LRP1B: variants seen among roughly 807,000 people sequenced by gnomAD.
LRP1B encodes low-density lipoprotein receptor-related protein 1B.
In LRP1B, 217 loss-of-function variants were observed where a neutral mutation model predicts 556.6. The observed-to-expected ratio is 0.39, with a 90% CI of 0.35 to 0.44. The LOEUF (loss-of-function observed/expected upper bound fraction) is 0.44. Ranked by LOEUF, LRP1B falls within the 20% of genes least tolerant of loss-of-function variation. The pLI is 1.00. For synonymous variants in LRP1B, 2,047 were observed against 1,865.8 expected, an observed-to-expected ratio of 1.10 and a Z score of -2.50; for missense variants, 5,053 against 5,620.8, an observed-to-expected ratio of 0.90 and a Z score of 3.23.
At chr2:141,129,979 T>A (rs1701309131) in intron 7 of LRP1B, among the ~76,000 whole-genome samples, 1 of 152,062 alleles carries the variant, frequency 6.6e-6, no homozygotes, top group South Asian at 2.1e-4. Context: ...TTTTAATATT[T>A]ATTTTAAAGG....
chr2:141,937,912 T>A (rs1463554752), intron 1 of LRP1B, among the ~76,000 whole-genome samples: 1 of 152,206 alleles, frequency 6.6e-6, no homozygotes, highest in African/African-American at 2.4e-5. Context: ...TGCCTGTAGA[T>A]AATCCAGTTT....
chr2:141,475,031 G>C (rs1391399757), intron 3 of LRP1B, among the ~76,000 whole-genome samples: 3 of 152,152 alleles, frequency 2.0e-5, no homozygotes, highest in African/African-American at 7.2e-5. Flanking sequence ...AACAGGATAA[G>C]GGCAGATGCT....
In LRP1B at chr2:141,636,376, A is replaced by ACTCAAC. The variant is rs940472632; in HGVS notation, c.206-155849_206-155844dup. On this transcript the variant is annotated intron_variant, in intron 2 of 90. Coordinates refer to ENST00000389484, the MANE Select transcript of LRP1B (RefSeq NM_018557.3). ...AGATGTCCAAAAACAAATGAAAAGA[A>ACTCAAC]CTCAACCTTAGAAACAATAAGCAAA... Among the ~76,000 whole-genome samples, 3 of 152,180 alleles carry ACTCAAC rather than the reference A, an allele frequency of 2.0e-5. 1 individual carries two copies. The highest frequency in any genetic ancestry group is 2.0e-4 in the Admixed American group (3 of 15,262).
At chr2:140,878,928 G>C (rs1271935686) in intron 25 of LRP1B, among the ~76,000 whole-genome samples, 2 of 150,468 alleles carry the variant, frequency 1.3e-5, no homozygotes, top group African/African-American at 4.9e-5. Context: ...GGCAGAGTTT[G>C]CAGTGAGCTG....
rs201832070 is a variant in LRP1B at position 141,873,801 on chromosome 2, T to TAAA, written c.83-63403_83-63401dup. 3.2e-3 allele frequency among the ~76,000 whole-genome samples: 469 copies of TAAA among 146,208 alleles called. 6 individuals are homozygous for TAAA. The highest frequency in any genetic ancestry group is 0.011 in the African/African-American group (449 of 39,996). On this transcript the variant is annotated intron_variant, in intron 1 of 90. Transcript: ENST00000389484. ...GGCTGGTAGGAACATGGGATGAGGT[T>TAAA]AAAAAAAAAAAGATTTTCACTATTG...
chr2:140,604,884 C>T (rs1312483953), intron 41 of LRP1B, among the ~76,000 whole-genome samples: 1 of 152,088 alleles, frequency 6.6e-6, no homozygotes, highest in Non-Finnish European at 1.5e-5. Context: ...TTCCACTGCA[C>T]ACACCCTCTT....
At chr2:141,932,834 TATAAA>T (rs1700541853) in intron 1 of LRP1B, among the ~76,000 whole-genome samples, 1 of 151,988 alleles carries the variant, frequency 6.6e-6, no homozygotes, top group African/African-American at 2.4e-5. Flanking sequence ...GGTAAATCTG[TATAAA>T]ATAAAAGAGA....
rs759159593 is a variant in LRP1B at position 140,442,592 on chromosome 2, C to G, written c.10326G>C (p.Gln3442His). 1 of 1,613,882 alleles carries G rather than the reference C, an allele frequency of 6.2e-7. No individual in the cohort carries two copies. Among genetic ancestry groups the G allele is most frequent in the South Asian group, 1.1e-5 (1 of 91,080 alleles). Reference protein sequence around the residue: ...PENSCSPDYFQCKTTKHCISK... With the variant: ...PENSCSPDYFHCKTTKHCISK... ...AAATGCAATGCTTCGTAGTCTTACACTGGAAATAGTCTGGAGAACAGCTGT... is the reference window on the plus strand; with the variant it reads ...AAATGCAATGCTTCGTAGTCTTACAGTGGAAATAGTCTGGAGAACAGCTGT... The change falls in exon 66 of 91, where the codon CAG becomes CAC. Residue 3442 changes from glutamine (Q) to histidine (H), a missense_variant. Coordinates refer to ENST00000389484, the MANE Select transcript of LRP1B (RefSeq NM_018557.3).
At chr2:141,631,495 G>T (rs2105349779) in intron 2 of LRP1B, among the ~76,000 whole-genome samples, 1 of 149,388 alleles carries the variant, frequency 6.7e-6, no homozygotes, top group Non-Finnish European at 1.5e-5. Flanking sequence ...ACTTGTGCTA[G>T]GTTCCATGTA....
chr2:141,139,110 T>C (rs1266969040), intron 7 of LRP1B, among the ~76,000 whole-genome samples: 1 of 151,912 alleles, frequency 6.6e-6, no homozygotes, highest in East Asian at 1.9e-4. Context: ...AATAGTTTTT[T>C]CAACAAATGG....
intron 3 of LRP1B, among the ~76,000 whole-genome samples, chr2:141,390,324 T>C (rs1690002744): frequency 6.6e-6 from 1 of 152,064 alleles, no homozygotes; most frequent in Admixed American, 6.6e-5. Flanking sequence ...TGTAGAGAAA[T>C]TGGAAATCTT....
At chr2:141,536,812 G>A (rs1368676405) in intron 2 of LRP1B, among the ~76,000 whole-genome samples, 1 of 151,998 alleles carries the variant, frequency 6.6e-6, no homozygotes. Context: ...AGGAAAGAAT[G>A]TGAGTAAATT....
chr2:140,992,541 T>G (rs1283296030), intron 16 of LRP1B: 1 of 152,096 alleles, frequency 6.6e-6, no homozygotes, highest in African/African-American at 2.4e-5. Context: ...CAACCACAAA[T>G]AGGCTGGCCC....
At chr2:140,285,097 C>T (rs1683084445) in intron 84 of LRP1B, among the ~76,000 whole-genome samples, 1 of 149,584 alleles carries the variant, frequency 6.7e-6, no homozygotes, top group African/African-American at 2.5e-5. Context: ...CTATATCTCT[C>T]TCTCTATATA....
chr2:141,011,194 T>G (rs1385922231), intron 14 of LRP1B, among the ~76,000 whole-genome samples: 7 of 125,782 alleles, frequency 5.6e-5, no homozygotes, highest in Non-Finnish European at 1.2e-4. Context: ...TGCTATATTT[T>G]ATCCATAGGG....
At chr2:140,756,774 TATG>T (rs1688754416) in intron 35 of LRP1B, among the ~76,000 whole-genome samples, 1 of 152,154 alleles carries the variant, frequency 6.6e-6, no homozygotes, top group African/African-American at 2.4e-5. Flanking sequence ...GTTTCTTAGA[TATG>T]ATACAAAAAG....
intron 3 of LRP1B, among the ~76,000 whole-genome samples, chr2:141,273,408 A>T (rs1315745432): frequency 6.6e-6 from 1 of 152,214 alleles, no homozygotes; most frequent in African/African-American, 2.4e-5. Flanking sequence ...AACAGAATTG[A>T]GAATCCAGAA....
intron 2 of LRP1B, among the ~76,000 whole-genome samples, chr2:141,775,594 G>A (rs1005167090): frequency 6.6e-6 from 1 of 152,124 alleles, no homozygotes; most frequent in African/African-American, 2.4e-5. Context: ...AAATATAGGT[G>A]CACTTGAGGG....
chr2:140,777,839 G>C (rs1254392494), intron 32 of LRP1B, among the ~76,000 whole-genome samples: 1 of 151,900 alleles, frequency 6.6e-6, no homozygotes, highest in African/African-American at 2.4e-5. Context: ...TTTTTCAATA[G>C]AATGATCAGA....
Sources: gnomAD v4.1 joint callset for allele counts (sites outside exome capture counted in the v4.1 genomes callset) on GRCh38, gnomAD v4.1.1 for gene constraint, MANE v1.5 for transcripts, NCBI Gene and HGNC (gene_info 2026-07-23, HGNC 2026-07-21) for gene names.